The following ARHGAP44 variants were observed in gnomAD, a reference collection of about 807,000 sequenced individuals.
ARHGAP44 encodes Rho GTPase activating protein 44.
Under a neutral mutation model 106.8 loss-of-function variants are expected in ARHGAP44, and 43 were observed. That is an observed-to-expected ratio of 0.40 (90% CI 0.32 to 0.52). The LOEUF (loss-of-function observed/expected upper bound fraction) is 0.52, where lower values mean the gene tolerates loss of function less well. Among genes scored for constraint, ARHGAP44 ranks in the 20% least tolerant of loss-of-function variants. The pLI, the probability that ARHGAP44 is intolerant of heterozygous loss-of-function variation, is 0.48. For missense variants in ARHGAP44, 866 were observed against 1,050.5 expected (o/e 0.82, Z 2.43); for synonymous variants, 439 against 410.3 (o/e 1.07, Z -0.85).
intron 4 of ARHGAP44, among the ~76,000 whole-genome samples, chr17:12,913,122 A>G (rs983816349): frequency 1.5e-4 from 23 of 152,218 alleles, no homozygotes; most frequent in Admixed American, 1.4e-3. Flanking sequence ...ATTCATTTAC[A>G]TGATGTGTGG....
chr17:12,826,647 G>T (rs77505117), intron 1 of ARHGAP44, among the ~76,000 whole-genome samples: 2,889 of 152,250 alleles, frequency 0.019, 84 homozygotes, highest in African/African-American at 0.064. Context: ...GTCCAGAGTT[G>T]TCTATTTCTG....
rs147224274 is a variant in ARHGAP44, at chr17:12,930,763, C to A, written c.582+1717C>A. ...TGTATTCATTTCCTCTTCAAAGATTCGTAGTACATGTTCAGCATAATGAGT... is the reference window on the plus strand; with the variant it reads ...TGTATTCATTTCCTCTTCAAAGATTAGTAGTACATGTTCAGCATAATGAGT... On this transcript the variant is annotated intron_variant, in intron 7 of 20. Transcript: ENST00000379672. Among the ~76,000 whole-genome samples the A allele has an allele frequency of 1.3e-3, 195 of 152,228 alleles. 1 individual carries two copies. The highest frequency in any genetic ancestry group is 4.4e-3 in the African/African-American group (184 of 41,558).
intron 20 of ARHGAP44, among the ~76,000 whole-genome samples, chr17:12,989,580 A>G (rs1320955014): frequency 6.6e-6 from 1 of 152,160 alleles, no homozygotes; most frequent in Non-Finnish European, 1.5e-5. Context: ...TCTTAGAGTG[A>G]GGACACTGGC....
chr17:12,792,162 A>T (rs1342624494), intron 1 of ARHGAP44, among the ~76,000 whole-genome samples: 2 of 151,222 alleles, frequency 1.3e-5, no homozygotes, highest in Non-Finnish European at 2.9e-5. Flanking sequence ...CTGTTTTCCC[A>T]TTTTTTTTGT....
intron 6 of ARHGAP44, among the ~76,000 whole-genome samples, chr17:12,928,720 AT>A (rs1324837134): frequency 6.6e-6 from 1 of 152,198 alleles, no homozygotes; most frequent in African/African-American, 2.4e-5. Context: ...GGGGCAGCTG[AT>A]TCTCAGCTTC....
chr17:12,800,672 T>C (rs1003019399), intron 1 of ARHGAP44, among the ~76,000 whole-genome samples: 3 of 152,234 alleles, frequency 2.0e-5, no homozygotes, highest in African/African-American at 7.2e-5. Flanking sequence ...AACTAGGCTA[T>C]GTAGTTTATA....
chr17:12,918,639 G>C (rs1040888014), intron 5 of ARHGAP44, among the ~76,000 whole-genome samples: 2 of 152,042 alleles, frequency 1.3e-5, no homozygotes, highest in Non-Finnish European at 1.5e-5. Flanking sequence ...ATAAACATTT[G>C]CTTCCTTTCT....
At chr17:12,897,312 C>T (rs1374980135) in intron 3 of ARHGAP44, among the ~76,000 whole-genome samples, 2 of 152,024 alleles carry the variant, frequency 1.3e-5, no homozygotes, top group Non-Finnish European at 2.9e-5. Flanking sequence ...CCTTGGTCCC[C>T]CGATGCCCCT....
chr17:12,901,538 G>A (rs1258100065), intron 3 of ARHGAP44, among the ~76,000 whole-genome samples: 1 of 152,032 alleles, frequency 6.6e-6, no homozygotes, highest in African/African-American at 2.4e-5. Context: ...GAGAAAAATC[G>A]GCGTCCATGG....
chr17:12,884,431 C>G (rs2036826503), intron 1 of ARHGAP44, among the ~76,000 whole-genome samples: 2 of 152,152 alleles, frequency 1.3e-5, no homozygotes, highest in Admixed American at 1.3e-4. Flanking sequence ...TTTAGTTTAA[C>G]AAAATCTGCT....
At chr17:12,924,536 G>T (rs1021217297) in intron 6 of ARHGAP44, among the ~76,000 whole-genome samples, 1 of 152,100 alleles carries the variant, frequency 6.6e-6, no homozygotes, top group South Asian at 2.1e-4. Context: ...CATTTCTGCC[G>T]AACCAGCTGC....
At chr17:12,810,227 G>C (rs990107796) in intron 1 of ARHGAP44, among the ~76,000 whole-genome samples, 13 of 152,126 alleles carry the variant, frequency 8.5e-5, no homozygotes, top group African/African-American at 2.9e-4. Flanking sequence ...CCACAAACTG[G>C]GTGGCTTAAA....
chr17:12,805,515 A>G (rs1454675684), intron 1 of ARHGAP44, among the ~76,000 whole-genome samples: 2 of 152,156 alleles, frequency 1.3e-5, no homozygotes, highest in Non-Finnish European at 2.9e-5. Context: ...TTCTGTACTA[A>G]CAAGAATCTG....
At chr17:12,884,361 T>C (rs1412833976) in intron 1 of ARHGAP44, among the ~76,000 whole-genome samples, 1 of 152,216 alleles carries the variant, frequency 6.6e-6, no homozygotes, top group Non-Finnish European at 1.5e-5. Context: ...GTCTGTTACT[T>C]TGGAAGATAT....
chr17:12,970,588 GT>G (rs1034840431), intron 16 of ARHGAP44, among the ~76,000 whole-genome samples: 19 of 152,116 alleles, frequency 1.2e-4, no homozygotes, highest in African/African-American at 4.6e-4. Flanking sequence ...ATTGTTTTCA[GT>G]TTTCAGCAGA....
chr17:12,915,921 A>G lies in ARHGAP44; in HGVS notation c.297A>G (p.Gly99=), dbSNP rs996026194. ...TLLGKMLKLC[G]ETEDKLAQEL... is the part of the protein sequence containing the mutation. ...ACAGGAAGATGCTGAAACTCTGTGG[A>G]GAGACGGAGGACAAGCTGGCTCAGG... is the stretch of plus-strand genomic sequence containing the variant. The change falls in exon 5 of 21, where the codon GGA becomes GGG. Residue 99 remains glycine, a synonymous_variant. Transcript: ENST00000379672. 8 of 1,613,862 alleles carry G rather than the reference A, an allele frequency of 5.0e-6. No individual in the cohort carries two copies. Among genetic ancestry groups the G allele is most frequent in the Middle Eastern group, 3.3e-4 (2 of 6,060 alleles).
intron 6 of ARHGAP44, among the ~76,000 whole-genome samples, chr17:12,921,673 A>G (rs1482767587): frequency 6.6e-6 from 1 of 152,244 alleles, no homozygotes; most frequent in Non-Finnish European, 1.5e-5. Context: ...TACAGAGTTC[A>G]GAAGGTCAGA....
At chr17:12,935,571 A>C (rs951276673) in intron 7 of ARHGAP44, among the ~76,000 whole-genome samples, 1 of 12,066 alleles carries the variant, frequency 8.3e-5, no homozygotes, top group Admixed American at 8.3e-4. Flanking sequence ...CTCCATCTCA[A>C]AAAAAAAAAA....
At chr17:12,955,843 C>G in intron 13 of ARHGAP44, 24 bp from the exon 14 acceptor site, 1 of 1,511,108 alleles carries the variant, frequency 6.6e-7, no homozygotes, top group Non-Finnish European at 9.1e-7. Flanking sequence ...TTGGTTAAAC[C>G]TGGCCCTTCT....
Sources: allele counts gnomAD v4.1 joint callset (sites outside exome capture counted in the v4.1 genomes callset), GRCh38; gene constraint gnomAD v4.1.1; transcripts MANE v1.5; gene names NCBI Gene and HGNC (gene_info 2026-07-23, HGNC 2026-07-21).